Variants in TAFA2 observed in about 807,000 individuals in gnomAD.
TAFA2 encodes the protein TAFA chemokine like family member 2, also known as chemokine-like protein TAFA-2.
TAFA2 carries 7 observed loss-of-function variants against 18.8 expected under a neutral mutation model. The ratio of observed to expected loss-of-function variants is 0.37; its 90% confidence interval spans 0.21 to 0.70. The LOEUF (loss-of-function observed/expected upper bound fraction) is 0.70. Among genes scored for constraint, TAFA2 ranks in the 30% least tolerant of loss-of-function variants. The pLI is 0.53. For synonymous variants in TAFA2, 60 were observed against 54.2 expected, an observed-to-expected ratio of 1.11 and a Z score of -0.47; for missense variants, 122 against 158.1, an observed-to-expected ratio of 0.77 and a Z score of 1.23.
chr12:62,059,615 T>C (rs760239995), intron 1 of TAFA2, among the ~76,000 whole-genome samples: 8 of 151,988 alleles, frequency 5.3e-5, no homozygotes, highest in Non-Finnish European at 1.2e-4. Context: ...TGAGCAGAAA[T>C]CTGAAAGAAA....
chr12:61,920,845 C>T lies in TAFA2; in HGVS notation c.-1-53419G>A, dbSNP rs76072220. 3.9e-3 allele frequency among the ~76,000 whole-genome samples: 586 copies of T among 151,098 alleles called. 5 individuals are homozygous for T. Among genetic ancestry groups the T allele is most frequent in the African/African-American group, 0.014 (553 of 40,940 alleles). On this transcript the variant is annotated intron_variant, in intron 1 of 4. Transcript: ENST00000416284. ...AATATCATATGGTAATGCTAAGATG[C>T]TCTGGGGAGAAAAAAAAAAGGAACA...
At chr12:61,974,830 TTGAC>T (rs1171977468) in intron 1 of TAFA2, among the ~76,000 whole-genome samples, 1 of 151,762 alleles carries the variant, frequency 6.6e-6, no homozygotes, top group Non-Finnish European at 1.5e-5. Flanking sequence ...CTTTTGTAAA[TTGAC>T]TGCCTGGTAA....
At chr12:62,090,928 C>T (rs1333967538) in intron 1 of TAFA2, among the ~76,000 whole-genome samples, 1 of 152,020 alleles carries the variant, frequency 6.6e-6, no homozygotes, top group African/African-American at 2.4e-5. Context: ...GCTGGCAAAG[C>T]TGAGTTTTTA....
intron 2 of TAFA2, among the ~76,000 whole-genome samples, chr12:61,809,560 A>G (rs1012456789): frequency 6.0e-5 from 9 of 151,244 alleles, no homozygotes; most frequent in African/African-American, 2.2e-4. Context: ...GAAAGAACAG[A>G]ACAGGCACTG....
At chr12:61,861,868 G>T (rs1258599692) in intron 2 of TAFA2, among the ~76,000 whole-genome samples, 1 of 152,060 alleles carries the variant, frequency 6.6e-6, no homozygotes, top group Admixed American at 6.5e-5. Flanking sequence ...CTTTGAAAAA[G>T]ATCCATTCAA....
chr12:61,738,328 C>CAT (rs751387342), intron 4 of TAFA2, among the ~76,000 whole-genome samples: 1 of 147,342 alleles, frequency 6.8e-6, no homozygotes, highest in Non-Finnish European at 1.5e-5. Context: ...CACACACACA[C>CAT]AAACCTAGCT....
chr12:61,776,165 C>CACG, intron 2 of TAFA2: 2 of 336,934 alleles, frequency 5.9e-6, no homozygotes, highest in South Asian at 6.2e-5. Context: ...AATTTAAGGG[C>CACG]ATGATTCTTG....
intron 1 of TAFA2, among the ~76,000 whole-genome samples, chr12:61,970,105 A>G (rs1879197389): frequency 6.6e-6 from 1 of 151,618 alleles, no homozygotes; most frequent in African/African-American, 2.4e-5. Flanking sequence ...TGTATACCAA[A>G]TTCATGTCTT....
chr12:62,122,970 C>T (rs751730003), intron 1 of TAFA2, among the ~76,000 whole-genome samples: 3 of 152,176 alleles, frequency 2.0e-5, no homozygotes. Context: ...TAAAACCAGT[C>T]ATCATCTAGC....
chr12:61,786,194 A>G (rs1238462719), intron 2 of TAFA2, among the ~76,000 whole-genome samples: 1 of 151,594 alleles, frequency 6.6e-6, no homozygotes, highest in Admixed American at 6.6e-5. Context: ...AGACTAGGAA[A>G]TCTTACCATG....
intron 1 of TAFA2, among the ~76,000 whole-genome samples, chr12:62,131,560 A>C (rs1016987320): frequency 6.6e-6 from 1 of 152,028 alleles, no homozygotes; most frequent in Non-Finnish European, 1.5e-5. Flanking sequence ...TTCCAAGACC[A>C]CTTTTGAAGA....
intron 2 of TAFA2, among the ~76,000 whole-genome samples, chr12:61,785,367 G>A (rs1046832842): frequency 6.8e-6 from 1 of 146,976 alleles, no homozygotes; most frequent in African/African-American, 2.5e-5. Flanking sequence ...GTGTTTGTGT[G>A]TGTGTGTCAC....
intron 1 of TAFA2, among the ~76,000 whole-genome samples, chr12:62,184,123 A>G (rs901883069): frequency 2.0e-5 from 3 of 152,232 alleles, no homozygotes; most frequent in Admixed American, 2.0e-4. Context: ...ACAAAGCTGA[A>G]GAACCCAAAT....
intron 1 of TAFA2, among the ~76,000 whole-genome samples, chr12:62,088,900 CT>C (rs1868582161): frequency 6.7e-6 from 1 of 150,062 alleles, no homozygotes; most frequent in Admixed American, 6.6e-5. Context: ...CTCTCTCTCT[CT>C]CTCTATCTCT....
chr12:61,754,981 G>A lies in TAFA2; in HGVS notation c.150C>T (p.His50=). The A allele has an allele frequency of 6.2e-7, 1 of 1,612,966 alleles. No individual in the cohort carries two copies. Residue 50 remains histidine (H), a synonymous_variant, in exon 3 of 5, where the codon CAC becomes CAT. Coordinates refer to ENST00000416284, the MANE Select transcript of TAFA2 (RefSeq NM_178539.5). The part of the protein sequence containing the change: ...KTGTCEVVAL[H]RCCNKNKIEE... ...CTATCTTGTTCTTATTACAGCATCT[G>A]TGGAGTGCCACCACCTCACAAGTTC... is the stretch of plus-strand genomic sequence containing the variant.
At chr12:62,134,372 A>AC (rs1336633802) in intron 1 of TAFA2, among the ~76,000 whole-genome samples, 1 of 151,846 alleles carries the variant, frequency 6.6e-6, no homozygotes, top group African/African-American at 2.4e-5. Context: ...GAGCATTTGC[A>AC]CATCCTCTCT....
chr12:62,040,280 G>C (rs1160763504), intron 1 of TAFA2, among the ~76,000 whole-genome samples: 1 of 152,004 alleles, frequency 6.6e-6, no homozygotes, highest in Non-Finnish European at 1.5e-5. Flanking sequence ...CAGAACCTTT[G>C]GGAATACCAA....
chr12:61,994,032 GTAAC>G (rs1437953664), intron 1 of TAFA2, among the ~76,000 whole-genome samples: 5 of 152,040 alleles, frequency 3.3e-5, no homozygotes, highest in Non-Finnish European at 7.4e-5. Flanking sequence ...CCACAACTTT[GTAAC>G]TAACACTCTT....
At chr12:61,966,408 C>G (rs1232518498) in intron 1 of TAFA2, among the ~76,000 whole-genome samples, 1 of 151,886 alleles carries the variant, frequency 6.6e-6, no homozygotes, top group East Asian at 1.9e-4. Context: ...TTTATAAGGG[C>G]TGTAATCCCA....
Sources: allele counts gnomAD v4.1 joint callset (sites outside exome capture counted in the v4.1 genomes callset), GRCh38; gene constraint gnomAD v4.1.1; transcripts MANE v1.5; gene names NCBI Gene and HGNC (gene_info 2026-07-23, HGNC 2026-07-21).